The following FREM3 variants were observed in gnomAD, a reference collection of about 807,000 sequenced individuals.
The protein encoded by FREM3 is FRAS1 related extracellular matrix 3, also known as FRAS1-related extracellular matrix protein 3.
Under a neutral mutation model 129.1 loss-of-function variants are expected in FREM3, and 105 were observed. The observed-to-expected ratio is 0.81, with a 90% confidence interval of 0.69 to 0.96. FREM3 has a LOEUF of 0.96. Among genes scored for constraint, FREM3 ranks in the 40% least tolerant of loss-of-function variants. FREM3 has a pLI of 0.00. For missense variants in FREM3, 2,593 were observed against 2,666.3 expected (o/e 0.97, Z 0.61); for synonymous variants, 1,014 against 1,044.9 (o/e 0.97, Z 0.57).
chr4:143,609,856 C>T (rs907919399), intron 6 of FREM3, among the ~76,000 whole-genome samples: 7 of 152,136 alleles, frequency 4.6e-5, no homozygotes, highest in East Asian at 1.9e-4. Flanking sequence ...TATAAGATAA[C>T]GTGAGTAGTG....
At chr4:143,596,701 G>A (rs966518730) in intron 6 of FREM3, among the ~76,000 whole-genome samples, 5 of 152,074 alleles carry the variant, frequency 3.3e-5, no homozygotes, top group African/African-American at 4.8e-5. Context: ...TTGGGAGGCC[G>A]AGGAGAGGGG....
At position 143,581,047 on chromosome 4, in the gene FREM3, A is replaced by T. The variant is rs6819761; in HGVS notation, c.6179-3195T>A. On this transcript the variant is annotated intron_variant, in intron 7 of 7. Coordinates refer to ENST00000329798, the MANE Select transcript of FREM3 (RefSeq NM_001168235.2). ...ACCATTTTTGCTGCTCCACAACCCC[A>T]GCTCCTGCTGCGCTCAGGCTTGGGA... is the stretch of plus-strand genomic sequence containing the variant. Among the ~76,000 whole-genome samples the T allele has an allele frequency of 4.4e-4, 67 of 152,226 alleles. 2 individuals carry two copies. In the South Asian group the frequency reaches 0.013, roughly 29 times the overall value.
chr4:143,650,925 C>T (rs1198110217), intron 2 of FREM3, among the ~76,000 whole-genome samples: 6 of 152,196 alleles, frequency 3.9e-5, no homozygotes, highest in African/African-American at 1.4e-4. Context: ...CCTGACTTCT[C>T]ATCTTCAATG....
intron 2 of FREM3, chr4:143,649,279 A>C (rs1003126540): frequency 2.6e-5 from 4 of 152,208 alleles, no homozygotes; most frequent in Admixed American, 2.6e-4. Context: ...TCAACTCTTC[A>C]TCATCACTAA....
At chr4:143,605,938 C>G (rs935646616) in intron 6 of FREM3, among the ~76,000 whole-genome samples, 3 of 152,146 alleles carry the variant, frequency 2.0e-5, no homozygotes, top group Non-Finnish European at 1.5e-5. Context: ...TATATTGGCT[C>G]ATGGTTCTTT....
At chr4:143,685,896 G>A (rs1278703916) in intron 2 of FREM3, among the ~76,000 whole-genome samples, 1 of 152,164 alleles carries the variant, frequency 6.6e-6, no homozygotes, top group Non-Finnish European at 1.5e-5. Flanking sequence ...ATGGCATTAG[G>A]AGAAATACCT....
intron 6 of FREM3, among the ~76,000 whole-genome samples, chr4:143,603,493 GGTCT>G (rs1453213581): frequency 7.2e-5 from 11 of 151,996 alleles, no homozygotes; most frequent in African/African-American, 1.7e-4. Flanking sequence ...TGCCAAATGC[GGTCT>G]GCTCTTTAGA....
intron 6 of FREM3, among the ~76,000 whole-genome samples, chr4:143,587,381 T>C (rs1221783856): frequency 6.6e-6 from 1 of 152,202 alleles, no homozygotes; most frequent in Non-Finnish European, 1.5e-5. Flanking sequence ...TGCAATTTGC[T>C]CACCTCAGGC....
chr4:143,589,371 C>T lies in FREM3; in HGVS notation c.6029-3378G>A, dbSNP rs1264971467. 2.6e-5 allele frequency among the ~76,000 whole-genome samples: 4 copies of T among 152,068 alleles called. No homozygotes were observed. The South Asian group carries it at 6.2e-4, about 24-fold the overall frequency. On this transcript the variant is annotated intron_variant, in intron 6 of 7. Transcript: ENST00000329798. ...TTTTTTTCTAGGGTTTTTATGGTTT[C>T]AGGTCTAACATGTAAGTCTTTAATC...
chr4:143,681,248 G>A (rs545956858), intron 2 of FREM3, among the ~76,000 whole-genome samples: 74 of 152,116 alleles, frequency 4.9e-4, no homozygotes, highest in African/African-American at 1.7e-3. Flanking sequence ...CTTAAAATTT[G>A]TAGTAAGGAG....
chr4:143,625,777 AT>A (rs1235554779), intron 3 of FREM3, among the ~76,000 whole-genome samples: 1 of 152,206 alleles, frequency 6.6e-6, no homozygotes, highest in Non-Finnish European at 1.5e-5. Flanking sequence ...GAGGTTTTCA[AT>A]TTTGGGAGAG....
intron 2 of FREM3, among the ~76,000 whole-genome samples, chr4:143,664,279 C>G (rs928864010): frequency 7.9e-5 from 12 of 152,090 alleles, no homozygotes; most frequent in Non-Finnish European, 1.5e-5. Context: ...GATGTCCTTT[C>G]TGTTTGTTAG....
chr4:143,613,908 T>A (rs1341931700), intron 5 of FREM3, among the ~76,000 whole-genome samples: 1 of 152,224 alleles, frequency 6.6e-6, no homozygotes, highest in African/African-American at 2.4e-5. Context: ...TCAATATATG[T>A]CACCTAATGA....
intron 2 of FREM3, among the ~76,000 whole-genome samples, chr4:143,682,043 T>C (rs550553200): frequency 7.5e-4 from 115 of 152,320 alleles, no homozygotes; most frequent in African/African-American, 2.7e-3. Flanking sequence ...TTTAAGGCAG[T>C]ATCCCACTAA....
At chr4:143,598,458 TAG>T (rs1738520146) in intron 6 of FREM3, among the ~76,000 whole-genome samples, 1 of 152,184 alleles carries the variant, frequency 6.6e-6, no homozygotes, top group Non-Finnish European at 1.5e-5. Flanking sequence ...TGGACATCTA[TAG>T]TATGTGAGAT....
At chr4:143,577,985 G>C in intron 7 of FREM3, 133 bp from the exon 8 acceptor site, 1 of 1,056,004 alleles carries the variant, frequency 9.5e-7, no homozygotes, top group Admixed American at 2.9e-5. Flanking sequence ...CATATACTTT[G>C]GGTTTGATCC....
At chr4:143,638,589 A>G (rs904390485) in intron 2 of FREM3, among the ~76,000 whole-genome samples, 4 of 152,188 alleles carry the variant, frequency 2.6e-5, no homozygotes, top group Non-Finnish European at 5.9e-5. Context: ...ACTTTCATGT[A>G]CTGAACTAGA....
chr4:143,674,107 A>G (rs1403961197), intron 2 of FREM3, among the ~76,000 whole-genome samples: 1 of 152,158 alleles, frequency 6.6e-6, no homozygotes, highest in East Asian at 1.9e-4. Flanking sequence ...TCCAGCACCC[A>G]CTGTCCAACA....
chr4:143,593,212 A>G (rs1380149630), intron 6 of FREM3, among the ~76,000 whole-genome samples: 3 of 151,938 alleles, frequency 2.0e-5, no homozygotes, highest in Non-Finnish European at 2.9e-5. Flanking sequence ...AGTTTGATCT[A>G]TTGAAGCCTT....
Sources: gnomAD v4.1 joint callset for allele counts (sites outside exome capture counted in the v4.1 genomes callset) on GRCh38, gnomAD v4.1.1 for gene constraint, MANE v1.5 for transcripts, NCBI Gene and HGNC (gene_info 2026-07-23, HGNC 2026-07-21) for gene names.